CCDC40: variants seen among roughly 807,000 people sequenced by gnomAD.
The protein encoded by CCDC40 is coiled-coil domain 40 molecular ruler complex subunit.
A neutral mutation model predicts 124.5 loss-of-function variants in CCDC40; 104 were observed. The observed-to-expected ratio is 0.84, with a 90% confidence interval of 0.71 to 0.98. The LOEUF (loss-of-function observed/expected upper bound fraction) is 0.98. Ranked by LOEUF, CCDC40 falls within the 50% of genes least tolerant of loss-of-function variation. The pLI, the probability that CCDC40 is intolerant of heterozygous loss-of-function variation, is 0.00. For missense variants in CCDC40, 1,463 were observed against 1,503.9 expected (o/e 0.97, Z 0.45); for synonymous variants, 580 against 602.9 (o/e 0.96, Z 0.56).
intron 3 of CCDC40, among the ~76,000 whole-genome samples, chr17:80,046,556 T>TAATAATAATAATAATAATA (rs1482898475): frequency 6.6e-6 from 1 of 151,236 alleles, no homozygotes; most frequent in Admixed American, 6.6e-5. Context: ...ATAATAATAA[T>TAATAATAATAATAATAATA]AAAAGAGTGG....
At chr17:80,041,127 A>G (rs754551854) in intron 3 of CCDC40, among the ~76,000 whole-genome samples, 29 of 152,222 alleles carry the variant, frequency 1.9e-4, no homozygotes, top group Non-Finnish European at 3.1e-4. Context: ...TTTCTTAAAC[A>G]CTGGAGAGTG....
At chr17:80,067,980 T>A in intron 10 of CCDC40, 1 of 1,090,158 alleles carries the variant, frequency 9.2e-7, no homozygotes, top group Non-Finnish European at 1.1e-6. Flanking sequence ...TGACTTCACC[T>A]GCAGCTTGCC....
chr17:80,043,413 C>A (rs990557280), intron 3 of CCDC40, among the ~76,000 whole-genome samples: 2 of 152,070 alleles, frequency 1.3e-5, no homozygotes, highest in Admixed American at 6.6e-5. Flanking sequence ...GGCCTGTGTG[C>A]GTGTACTGTA....
At chr17:80,065,803 A>C (rs1264058336) in intron 10 of CCDC40, among the ~76,000 whole-genome samples, 197 bp downstream of exon 10, 1 of 152,252 alleles carries the variant, frequency 6.6e-6, no homozygotes, top group Non-Finnish European at 1.5e-5. Flanking sequence ...CCTTTCCAAC[A>C]CTGCGGCGCT....
chr17:80,045,217 G>A (rs1280936131), intron 3 of CCDC40, among the ~76,000 whole-genome samples: 3 of 152,196 alleles, frequency 2.0e-5, no homozygotes, highest in Admixed American at 6.5e-5. Context: ...GCCTCCATGT[G>A]GCTGCTTTAC....
At chr17:80,040,432 A>C in intron 3 of CCDC40, 162 bp downstream of exon 3, 1 of 738,816 alleles carries the variant, frequency 1.4e-6, no homozygotes, top group East Asian at 2.7e-5. Context: ...TAATCCCAGC[A>C]CTTTGGGAGG....
At chr17:80,084,604 C>T (rs1169411470) in intron 12 of CCDC40, 139 bp from the exon 13 acceptor site, 6 of 1,009,830 alleles carry the variant, frequency 5.9e-6, no homozygotes, top group Non-Finnish European at 9.0e-6. Flanking sequence ...GTGGGAAATC[C>T]AGCCTCCTGC....
Position 80,087,385 on chromosome 17 carries a change from C to T in CCDC40, c.2450-222C>T, listed in dbSNP as rs145341292. ...CTCTCAGTTCCGTTGGAGGACCAGG[C>T]TTTGGGAGCTTAGCAGCCAAAAAGA... On this transcript the variant is annotated intron_variant, in intron 14 of 19. Transcript: ENST00000397545. The surrounding 1 kb of genome is among the most constrained non-coding windows in gnomAD (Gnocchi z 4.5). 216 of 589,044 alleles carry T rather than the reference C, an allele frequency of 3.7e-4. 1 individual carries two copies. In the East Asian group the frequency reaches 5.3e-3, roughly 15 times the overall value. The allele number at this position is 589,044 out of a possible 1,614,324, so 36.5% of individuals were successfully genotyped here.
At chr17:80,049,409 CAAAA>C (rs34096428) in intron 5 of CCDC40, among the ~76,000 whole-genome samples, 1 of 112,818 alleles carries the variant, frequency 8.9e-6, no homozygotes, top group African/African-American at 3.6e-5. Context: ...AACTCTGTCT[CAAAA>C]AAAAAAAAAA....
In CCDC40 at chr17:80,058,473, C is replaced by G; in HGVS notation, c.1160-21C>G. ...CTCCCCACTCACTCTCTCTCTCTTT[C>G]TCCCCCGCCGCGCCCCGCAGTGGCG... is the stretch of plus-strand genomic sequence containing the variant. On this transcript the variant is annotated intron_variant, in intron 7 of 19. Coordinates refer to ENST00000397545, the MANE Select transcript of CCDC40 (RefSeq NM_017950.4). The surrounding 1 kb of genome is among the most constrained non-coding windows in gnomAD (Gnocchi z 4.2). 1 of 1,612,124 alleles carries G rather than the reference C, an allele frequency of 6.2e-7. No individual in the cohort carries two copies. Among genetic ancestry groups the G allele is most frequent in the Non-Finnish European group, 8.5e-7 (1 of 1,179,464 alleles).
At chr17:80,097,195 G>C in intron 18 of CCDC40, 50 bp from the exon 19 acceptor site, 1 of 1,605,174 alleles carries the variant, frequency 6.2e-7, no homozygotes. Context: ...TTCCCTGTCC[G>C]CCAAGTAGCC....
Position 80,099,588 on chromosome 17 carries a change from G to C in CCDC40, c.3242G>C (p.Gly1081Ala), listed in dbSNP as rs372541653. 1.2e-6 allele frequency: 2 copies of C among 1,613,524 alleles called. No individual in the cohort carries two copies. The highest frequency in any genetic ancestry group is 1.7e-6 in the Non-Finnish European group (2 of 1,180,004). Residue 1081 changes from glycine to alanine, a missense_variant, in exon 20 of 20, where the codon GGG becomes GCG. Physicochemically the swap from Gly to Ala is moderately conservative, Grantham distance 60 (BLOSUM62 0). Transcript: ENST00000397545. Reference protein sequence around the residue: ...RLKHLQAVKEGRYVFLFRSKQ... With the variant: ...RLKHLQAVKEARYVFLFRSKQ... ...AAGCACCTGCAGGCTGTGAAGGAGG[G>C]GCGCTACGTGTTCCTGTTCCGCTCC...
rs1193599741 is a variant in CCDC40, at chr17:80,056,016, A to ATTTTTTTTTTTTT, written c.1160-2475_1160-2463dup. On this transcript the variant is annotated intron_variant, in intron 7 of 19. Coordinates refer to ENST00000397545, the MANE Select transcript of CCDC40 (RefSeq NM_017950.4). Reference sequence around the variant, plus strand: ...TATATATATATATATATATATATATATTTTTTTTTTTTTTTGGTAGAAACA... The same window carrying ATTTTTTTTTTTTT: ...TATATATATATATATATATATATATATTTTTTTTTTTTTTTTTTTTTTTTTTTTGGTAGAAACA... 1.9e-3 allele frequency among the ~76,000 whole-genome samples: 19 copies of ATTTTTTTTTTTTT among 10,246 alleles called. 4 individuals are homozygous for ATTTTTTTTTTTTT. Among genetic ancestry groups the ATTTTTTTTTTTTT allele is most frequent in the East Asian group, 0.013 (3 of 238 alleles). 6.7% of individuals were successfully genotyped at this position (10,246 alleles called of 152,430 possible).
At position 80,039,926 on chromosome 17, in the gene CCDC40, G is replaced by A. The variant is rs757893854; in HGVS notation, c.208G>A (p.Glu70Lys). ...AEAAIEEGEV[E>K]TEGEAAVEGE... is the part of the protein sequence containing the mutation. ...AGCTGCAATTGAAGAGGGGGAGGTG[G>A]AGACAGAAGGGGAAGCAGCAGTGGA... Residue 70 changes from glutamate to lysine, a missense_variant, in exon 3 of 20, where the codon GAG becomes AAG. Coordinates refer to ENST00000397545, the MANE Select transcript of CCDC40 (RefSeq NM_017950.4). The A allele has an allele frequency of 5.6e-6, 9 of 1,613,264 alleles. No homozygotes were observed. Among genetic ancestry groups the A allele is most frequent in the Middle Eastern group, 1.7e-4 (1 of 6,060 alleles).
intron 19 of CCDC40, chr17:80,098,978 CAAAA>C (rs149775682): frequency 7.5e-4 from 92 of 122,222 alleles, no homozygotes; most frequent in South Asian, 2.7e-3. Context: ...GAGACAGCCT[CAAAA>C]AAAAAAAAAA....
chr17:80,095,438 G>C lies in CCDC40; in HGVS notation c.3008G>C (p.Arg1003Thr). The change falls in exon 18 of 20, where the codon AGG (arginine) becomes ACG (threonine). Residue 1003 changes from arginine (R) to threonine (T), a missense_variant. Arg to Thr is a moderately conservative substitution (Grantham distance 71). Coordinates refer to ENST00000397545, the MANE Select transcript of CCDC40 (RefSeq NM_017950.4). Reference protein sequence around the residue: ...HKQLELRRKIRDVRKATDECT... With the variant: ...HKQLELRRKITDVRKATDECT... ...CAGCTTGAGCTGCGCCGGAAAATCA[G>C]GGACGTTCGCAAGGTAGGGAGCAGC... 1 of 1,614,176 alleles carries C rather than the reference G, an allele frequency of 6.2e-7. No individual in the cohort carries two copies.
Position 80,090,309 on chromosome 17 carries a change from GAAC to G in CCDC40, c.2832+430_2832+432del, listed in dbSNP as rs752389863. The G allele has an allele frequency of 1.3e-4, 172 of 1,333,186 alleles. 8 individuals carry two copies. In the South Asian group the frequency reaches 2.1e-3, roughly 17 times the overall value. 82.6% of individuals were successfully genotyped at this position (1,333,186 alleles called of 1,614,324 possible). On this transcript the variant is annotated intron_variant, in intron 17 of 19. Coordinates refer to ENST00000397545, the MANE Select transcript of CCDC40 (RefSeq NM_017950.4). ...ACGGGACGCGCGCAGGCACGTGCAC[GAAC>G]AACACGGGACGCGCGCAGGCACGTG...
At chr17:80,068,918 G>A (rs766829753) in intron 10 of CCDC40, among the ~76,000 whole-genome samples, 5 of 152,240 alleles carry the variant, frequency 3.3e-5, no homozygotes, top group African/African-American at 4.8e-5. Context: ...CCCTGCTCAG[G>A]GACCGGCTAG....
intron 3 of CCDC40, 97 bp from the exon 4 acceptor site, chr17:80,047,182 A>C: frequency 1.5e-6 from 2 of 1,344,076 alleles, no homozygotes; most frequent in Non-Finnish European, 2.1e-6. Context: ...CTATATTTTG[A>C]GTCTGACAAC....
Sources: gnomAD v4.1 joint callset for allele counts (sites outside exome capture counted in the v4.1 genomes callset) on GRCh38, gnomAD v4.1.1 for gene constraint, Gnocchi (gnomAD v3.1) non-coding constraint, MANE v1.5 for transcripts, NCBI Gene and HGNC (gene_info 2026-07-23, HGNC 2026-07-21) for gene names.